The following FBRSL1 variants were observed in gnomAD, a reference collection of about 807,000 sequenced individuals.
FBRSL1 encodes the protein fibrosin like 1, also known as fibrosin-1-like protein.
FBRSL1 carries 51 observed loss-of-function variants against 89.6 expected under a neutral mutation model. The observed-to-expected ratio is 0.57, with a 90% CI of 0.45 to 0.72. FBRSL1 has a LOEUF of 0.72. Ranked by LOEUF, FBRSL1 falls within the 30% of genes least tolerant of loss-of-function variation. The pLI, the probability that FBRSL1 is intolerant of heterozygous loss-of-function variation, is 0.00. For synonymous variants in FBRSL1, 779 were observed against 681.1 expected (o/e 1.14, Z -2.24); for missense variants, 1,618 against 1,451.8 (o/e 1.11, Z -1.86).
chr12:132,558,572 T>C lies in FBRSL1; in HGVS notation c.646-8909T>C, dbSNP rs149083232. Reference sequence around the variant, plus strand: ...GGAGTACGTGTATTTGGTAAGTAGTTCAAATAGAACCTGAGGGCTGGAACT... The same window carrying C: ...GGAGTACGTGTATTTGGTAAGTAGTCCAAATAGAACCTGAGGGCTGGAACT... On this transcript the variant is annotated intron_variant, in intron 5 of 18. Coordinates refer to ENST00000680143, the MANE Select transcript of FBRSL1 (RefSeq NM_001367871.1). Among the ~76,000 whole-genome samples, 423 of 152,292 alleles carry C rather than the reference T, an allele frequency of 2.8e-3. 7 individuals carry two copies. The highest frequency in any genetic ancestry group is 9.6e-3 in the African/African-American group (399 of 41,554).
At chr12:132,534,929 C>G (rs763541896) in intron 4 of FBRSL1, among the ~76,000 whole-genome samples, 1 of 152,230 alleles carries the variant, frequency 6.6e-6, no homozygotes, top group African/African-American at 2.4e-5. Flanking sequence ...CTCCCTGCAG[C>G]GCTCCCAGGT....
intron 4 of FBRSL1, among the ~76,000 whole-genome samples, chr12:132,535,883 C>CAT (rs1311586613): frequency 7.0e-6 from 1 of 143,820 alleles, no homozygotes; most frequent in Non-Finnish European, 1.5e-5. Flanking sequence ...TGTGAGTGCA[C>CAT]GTGTCCATGG....
rs112865842 is a variant in FBRSL1, at chr12:132,494,092, C to T, written c.291+3231C>T. ...TGACTTTCTACTCTGTAACCAGGGG[C>T]CGTGGTATGTGGGGACAGGAGGCCT... On this transcript the variant is annotated intron_variant, in intron 1 of 18. Coordinates refer to ENST00000680143, the MANE Select transcript of FBRSL1 (RefSeq NM_001367871.1). Among the ~76,000 whole-genome samples, 562 of 152,258 alleles carry T rather than the reference C, an allele frequency of 3.7e-3. 6 individuals are homozygous for T. Among genetic ancestry groups the T allele is most frequent in the African/African-American group, 0.013 (521 of 41,532 alleles).
At chr12:132,512,241 G>T (rs542969982) in intron 2 of FBRSL1, among the ~76,000 whole-genome samples, 1 of 152,256 alleles carries the variant, frequency 6.6e-6, no homozygotes, top group East Asian at 1.9e-4. Context: ...TGCCTGGGGG[G>T]CACCCATCCC....
At chr12:132,568,068 C>T (rs1035071853) in intron 6 of FBRSL1, among the ~76,000 whole-genome samples, 7 of 148,246 alleles carry the variant, frequency 4.7e-5, no homozygotes, top group East Asian at 1.9e-4. Context: ...TAGGGGCCTT[C>T]GTAACCTGTG....
chr12:132,524,366 C>T lies in FBRSL1; in HGVS notation c.490-1368C>T, dbSNP rs554749921. 7.9e-5 allele frequency among the ~76,000 whole-genome samples: 12 copies of T among 152,258 alleles called. No individual in the cohort carries two copies. The South Asian group carries it at 1.0e-3, about 13-fold the overall frequency. ...GTGCGGCTTGATGGACCTCATGGGC[C>T]GGGGGCATTTGACCTCAGGGGCCTG... is the stretch of plus-strand genomic sequence containing the variant. On this transcript the variant is annotated intron_variant, in intron 2 of 18. Coordinates refer to ENST00000680143, the MANE Select transcript of FBRSL1 (RefSeq NM_001367871.1).
chr12:132,576,927 C>T lies in FBRSL1; in HGVS notation c.1830C>T (p.Ser610=), dbSNP rs1453531777. Residue 610 remains serine (S), a synonymous_variant, in exon 15 of 19, where the codon AGC becomes AGT. Transcript: ENST00000680143. ...ACCTGGCCCGGCCCCTCTTCCCCAG[C>T]ACAGGTGAGACTGGAGTCGGGCCAG... The part of the protein sequence containing the change: ...PQDLARPLFP[S]TGAAHPASNP... The T allele has an allele frequency of 1.9e-6, 3 of 1,549,382 alleles. No homozygotes were observed. The highest frequency in any genetic ancestry group is 1.2e-5 in the South Asian group (1 of 83,794).
At chr12:132,552,054 C>T (rs1450987009) in intron 5 of FBRSL1, 2 of 222,812 alleles carry the variant, frequency 9.0e-6, no homozygotes, top group Admixed American at 5.0e-5. Context: ...TGAGGTCAGA[C>T]ATGGCGTGGG....
chr12:132,576,978 C>A (rs1054711313), intron 15 of FBRSL1, 47 bp downstream of exon 15: 1 of 1,526,546 alleles, frequency 6.6e-7, no homozygotes, highest in East Asian at 2.5e-5. Context: ...ACCTCCCGCT[C>A]GTGCCCAGCT....
intron 17 of FBRSL1, 55 bp from the exon 18 acceptor site, chr12:132,582,007 G>A: frequency 6.9e-7 from 1 of 1,439,068 alleles, no homozygotes; most frequent in Non-Finnish European, 9.4e-7. Context: ...TTCTCCTGGG[G>A]AGTGGCTGGG....
chr12:132,564,754 C>CA (rs2039464556), intron 5 of FBRSL1, among the ~76,000 whole-genome samples: 1 of 95,628 alleles, frequency 1.0e-5, no homozygotes, highest in Non-Finnish European at 1.9e-5. Flanking sequence ...CTCGGCCTCC[C>CA]GAGTAGCTGG....
chr12:132,508,999 G>A (rs930296153), intron 2 of FBRSL1, among the ~76,000 whole-genome samples: 4 of 152,304 alleles, frequency 2.6e-5, no homozygotes, highest in Admixed American at 6.5e-5. Context: ...GCTGGTGTGC[G>A]CCTTCCTTCC....
At chr12:132,514,680 G>A (rs1466086886) in intron 2 of FBRSL1, among the ~76,000 whole-genome samples, 1 of 152,146 alleles carries the variant, frequency 6.6e-6, no homozygotes, top group African/African-American at 2.4e-5. Context: ...GCCGGTACAC[G>A]ACCTAGAGGG....
In FBRSL1 at chr12:132,581,777, G is replaced by C; in HGVS notation, c.1949G>C (p.Gly650Ala). The change falls in exon 17 of 19, where the codon GGC (glycine) becomes GCC (alanine). Residue 650 changes from glycine (G) to alanine (A), a missense_variant. Coordinates refer to ENST00000680143, the MANE Select transcript of FBRSL1 (RefSeq NM_001367871.1). ...AGACCGAGCACCTTTGGGGGCCTGG[G>C]CAGCCTGAGCAGCCACGCCTTTGGG... ...FSRPSTFGGL[G>A]SLSSHAFGGL... The C allele has an allele frequency of 6.5e-7, 1 of 1,549,550 alleles. No homozygotes were observed. Among genetic ancestry groups the C allele is most frequent in the Non-Finnish European group, 8.7e-7 (1 of 1,146,508 alleles).
chr12:132,497,235 T>TA (rs1231166330), intron 1 of FBRSL1, among the ~76,000 whole-genome samples: 1 of 152,166 alleles, frequency 6.6e-6, no homozygotes, highest in Non-Finnish European at 1.5e-5. Flanking sequence ...GGTGACCAGT[T>TA]AGAGACCCCA....
intron 4 of FBRSL1, among the ~76,000 whole-genome samples, chr12:132,542,201 A>G (rs2037322627): frequency 6.6e-6 from 1 of 152,246 alleles, no homozygotes. Context: ...GCACATGTGC[A>G]CACGGCAGAT....
chr12:132,511,397 G>A (rs1198919475), intron 2 of FBRSL1: 1 of 985,956 alleles, frequency 1.0e-6, no homozygotes, highest in Non-Finnish European at 1.2e-6. Flanking sequence ...GCCCATCCCT[G>A]CCCCTTCCAC....
intron 5 of FBRSL1, among the ~76,000 whole-genome samples, chr12:132,557,530 C>T (rs562768431): frequency 6.6e-6 from 1 of 152,344 alleles, no homozygotes; most frequent in South Asian, 2.1e-4. Context: ...CCCGTTGACC[C>T]AGGCCAGGAT....
At chr12:132,525,310 G>A (rs2136920840) in intron 2 of FBRSL1, among the ~76,000 whole-genome samples, 1 of 152,322 alleles carries the variant, frequency 6.6e-6, no homozygotes, top group South Asian at 2.1e-4. Flanking sequence ...CAGATGGGGT[G>A]GTGCGAACCA....
Sources: gnomAD v4.1 joint callset for allele counts (sites outside exome capture counted in the v4.1 genomes callset) on GRCh38, gnomAD v4.1.1 for gene constraint, MANE v1.5 for transcripts, NCBI Gene and HGNC (gene_info 2026-07-23, HGNC 2026-07-21) for gene names.